The following RSPO2 variants were observed in gnomAD, a reference collection of about 807,000 sequenced individuals.
RSPO2 encodes R-spondin 2.
RSPO2 carries 14 observed loss-of-function variants against 30.9 expected under a neutral mutation model. The ratio of observed to expected loss-of-function variants is 0.45; its 90% CI spans 0.30 to 0.71. The LOEUF (loss-of-function observed/expected upper bound fraction) is 0.71, where lower values mean the gene tolerates loss of function less well. RSPO2 is among the 30% of genes least tolerant of loss of function. The pLI is 0.08. For missense variants in RSPO2, 264 were observed against 301.9 expected, an observed-to-expected ratio of 0.87 and a Z score of 0.93; for synonymous variants, 107 against 96.4, an observed-to-expected ratio of 1.11 and a Z score of -0.64.
At chr8:107,995,026 C>A (rs532826837) in intron 2 of RSPO2, among the ~76,000 whole-genome samples, 2 of 152,236 alleles carry the variant, frequency 1.3e-5, no homozygotes, top group Non-Finnish European at 1.5e-5. Flanking sequence ...GTCCCAAAAC[C>A]AGGGCTTATT....
At chr8:107,910,311 A>C (rs1811783124) in intron 5 of RSPO2, among the ~76,000 whole-genome samples, 1 of 152,236 alleles carries the variant, frequency 6.6e-6, no homozygotes, top group South Asian at 2.1e-4. Context: ...ATTTGGATTC[A>C]ACACAATTTC....
intron 3 of RSPO2, among the ~76,000 whole-genome samples, chr8:107,987,253 C>A (rs575561772): frequency 6.6e-6 from 1 of 152,322 alleles, no homozygotes; most frequent in South Asian, 2.1e-4. Flanking sequence ...GTTTTCTAAT[C>A]TGCAATCATT....
intron 2 of RSPO2, among the ~76,000 whole-genome samples, chr8:108,046,933 CA>C (rs1192708803): frequency 6.6e-6 from 1 of 152,074 alleles, no homozygotes; most frequent in East Asian, 1.9e-4. Context: ...TAATCATTCC[CA>C]AGGACAATAG....
intron 3 of RSPO2, among the ~76,000 whole-genome samples, chr8:107,971,962 C>T (rs753129551): frequency 2.6e-5 from 4 of 152,156 alleles, no homozygotes; most frequent in Non-Finnish European, 5.9e-5. Flanking sequence ...TATGATAGTT[C>T]TTCCCTCATG....
chr8:107,949,474 C>T (rs1338084507), intron 5 of RSPO2, among the ~76,000 whole-genome samples: 1 of 152,048 alleles, frequency 6.6e-6, no homozygotes, highest in African/African-American at 2.4e-5. Context: ...CTACATATTT[C>T]CTGCATTCAC....
At chr8:107,989,323 A>G (rs998382597) in intron 2 of RSPO2, 79 bp from the exon 3 acceptor site, 106 of 884,332 alleles carry the variant, frequency 1.2e-4, no homozygotes, top group Non-Finnish European at 1.1e-4. Flanking sequence ...GAAAAGACAA[A>G]TGTTTCTTTT....
At chr8:107,930,710 C>T (rs1432709490) in intron 5 of RSPO2, among the ~76,000 whole-genome samples, 4 of 152,164 alleles carry the variant, frequency 2.6e-5, no homozygotes, top group Non-Finnish European at 5.9e-5. Flanking sequence ...CTCCATAAAG[C>T]CTTATTAAAT....
At chr8:108,080,119 C>G (rs1813147605) in intron 2 of RSPO2, among the ~76,000 whole-genome samples, 1 of 152,184 alleles carries the variant, frequency 6.6e-6, no homozygotes, top group African/African-American at 2.4e-5. Context: ...AGTTAGATCT[C>G]TATTCATTTC....
chr8:107,996,277 C>T (rs1815021663), intron 2 of RSPO2, among the ~76,000 whole-genome samples: 1 of 152,068 alleles, frequency 6.6e-6, no homozygotes, highest in Admixed American at 6.5e-5. Context: ...AGCATGAAGA[C>T]CCTATGGAAT....
chr8:107,972,617 A>C (rs563229735), intron 3 of RSPO2, among the ~76,000 whole-genome samples: 116 of 152,226 alleles, frequency 7.6e-4, no homozygotes, highest in African/African-American at 2.7e-3. Context: ...CCTTAACCAT[A>C]AACCAAGCAG....
Position 108,069,200 on chromosome 8 carries a change from A to AACACAC in RSPO2, c.94+13339_94+13344dup, listed in dbSNP as rs56977468. Among the ~76,000 whole-genome samples, 1,238 of 148,358 alleles carry AACACAC rather than the reference A, an allele frequency of 8.3e-3. 13 individuals carry two copies. Among genetic ancestry groups the AACACAC allele is most frequent in the Middle Eastern group, 0.038 (11 of 286 alleles). On this transcript the variant is annotated intron_variant, in intron 2 of 5. Coordinates refer to ENST00000276659, the MANE Select transcript of RSPO2 (RefSeq NM_178565.5). ...TCCATTGTTGGTGCATGTATGTGTG[A>AACACAC]ACACACACACACACACACACACACA...
At chr8:107,957,477 A>G (rs1813467298) in intron 5 of RSPO2, among the ~76,000 whole-genome samples, 1 of 152,224 alleles carries the variant, frequency 6.6e-6, no homozygotes, top group Non-Finnish European at 1.5e-5. Flanking sequence ...ATTACAGAAT[A>G]ATTACTGCAA....
In RSPO2 at chr8:108,064,349, A is replaced by C. The variant is rs1039771095; in HGVS notation, c.94+18196T>G. On this transcript the variant is annotated intron_variant, in intron 2 of 5. Transcript: ENST00000276659. ...TTACAAGAAAAAAACAACCCCATCCAAAAGTGGGCAAAGGATATGAACAGA... is the reference window on the plus strand; with the variant it reads ...TTACAAGAAAAAAACAACCCCATCCCAAAGTGGGCAAAGGATATGAACAGA... 3.6e-4 allele frequency among the ~76,000 whole-genome samples: 55 copies of C among 152,246 alleles called. 1 individual carries two copies. Among genetic ancestry groups the C allele is most frequent in the African/African-American group, 1.3e-3 (53 of 41,460 alleles).
At chr8:107,996,169 G>T (rs576292306) in intron 2 of RSPO2, among the ~76,000 whole-genome samples, 5 of 152,228 alleles carry the variant, frequency 3.3e-5, no homozygotes, top group African/African-American at 1.2e-4. Context: ...AATACTGACA[G>T]GCTGTGTGAG....
At chr8:108,039,765 G>A (rs1431476842) in intron 2 of RSPO2, among the ~76,000 whole-genome samples, 1 of 151,930 alleles carries the variant, frequency 6.6e-6, no homozygotes, top group East Asian at 1.9e-4. Flanking sequence ...TTATAGACCA[G>A]ATGCTTGTGT....
At chr8:108,051,337 C>T (rs1293343004) in intron 2 of RSPO2, among the ~76,000 whole-genome samples, 2 of 152,134 alleles carry the variant, frequency 1.3e-5, no homozygotes, top group African/African-American at 2.4e-5. Flanking sequence ...GCAACCAAGA[C>T]TCCAAATTTG....
chr8:107,983,491 T>A, intron 3 of RSPO2: 1 of 1,598,284 alleles, frequency 6.3e-7, no homozygotes, highest in Non-Finnish European at 8.6e-7. Context: ...CACAGAGAAA[T>A]GTCTGCCTGA....
intron 5 of RSPO2, among the ~76,000 whole-genome samples, chr8:107,925,314 T>G (rs897899509): frequency 6.6e-6 from 1 of 151,888 alleles, no homozygotes; most frequent in African/African-American, 2.4e-5. Flanking sequence ...GAAACAACTT[T>G]AAAAGAGGTG....
chr8:107,998,594 C>T (rs1017353823), intron 2 of RSPO2, among the ~76,000 whole-genome samples: 1 of 151,846 alleles, frequency 6.6e-6, no homozygotes, highest in African/African-American at 2.4e-5. Context: ...AAAATAAATA[C>T]CATGATTAAA....
Sources: gnomAD v4.1 joint callset for allele counts (sites outside exome capture counted in the v4.1 genomes callset) on GRCh38, gnomAD v4.1.1 for gene constraint, MANE v1.5 for transcripts, NCBI Gene and HGNC (gene_info 2026-07-23, HGNC 2026-07-21) for gene names.